Variants in CLYBL observed in about 807,000 individuals in gnomAD.
CLYBL encodes the protein citramalyl-CoA lyase, also known as citramalyl-CoA lyase, mitochondrial.
A neutral mutation model predicts 38.9 loss-of-function variants in CLYBL; 31 were observed. The observed-to-expected ratio is 0.80, with a 90% CI of 0.60 to 1.08. The LOEUF (loss-of-function observed/expected upper bound fraction) is 1.08, where lower values mean the gene tolerates loss of function less well. CLYBL is among the 50% of genes least tolerant of loss of function. CLYBL has a pLI of 0.00. For missense variants in CLYBL, 434 were observed against 411.6 expected, an observed-to-expected ratio of 1.05 and a Z score of -0.47; for synonymous variants, 171 against 158.6, an observed-to-expected ratio of 1.08 and a Z score of -0.59.
intron 1 of CLYBL, among the ~76,000 whole-genome samples, chr13:99,723,579 G>A (rs764013604): frequency 3.9e-5 from 6 of 152,190 alleles, no homozygotes; most frequent in Non-Finnish European, 7.3e-5. Context: ...AGGAAAATCC[G>A]TAGTTTCTCT....
At chr13:99,727,960 C>G (rs1423431002) in intron 1 of CLYBL, among the ~76,000 whole-genome samples, 1 of 152,080 alleles carries the variant, frequency 6.6e-6, no homozygotes, top group East Asian at 1.9e-4. Flanking sequence ...CTTCTGTAAT[C>G]CCAGCTGCTC....
chr13:99,827,292 G>A (rs942476061), intron 2 of CLYBL, among the ~76,000 whole-genome samples: 1 of 152,170 alleles, frequency 6.6e-6, no homozygotes, highest in African/African-American at 2.4e-5. Context: ...CTAGTGCCCT[G>A]CCCTTCTGTC....
At chr13:99,818,484 C>T (rs1417915235) in intron 2 of CLYBL, among the ~76,000 whole-genome samples, 6 of 148,836 alleles carry the variant, frequency 4.0e-5, no homozygotes, top group African/African-American at 7.5e-5. Context: ...CACACACACA[C>T]GGACACACAC....
chr13:99,891,392 C>G lies in CLYBL; in HGVS notation c.1002C>G (p.Ala334=). 1 of 1,613,296 alleles carries G rather than the reference C, an allele frequency of 6.2e-7. No homozygotes were observed. Among genetic ancestry groups the G allele is most frequent in the Non-Finnish European group, 8.5e-7 (1 of 1,179,284 alleles). The change falls in exon 8 of 9, where the codon GCC becomes GCG. Residue 334 remains alanine, a synonymous_variant. Coordinates refer to ENST00000339105, the MANE Select transcript of CLYBL (RefSeq NM_206808.5). The part of the protein sequence containing the change: ...LKQAQNTVTL[A]TSIKEK ...AGGCCCAGAACACTGTTACGCTTGCCACCTCCATCAAGGAAAAATGATCTG... is the reference window on the plus strand; with the variant it reads ...AGGCCCAGAACACTGTTACGCTTGCGACCTCCATCAAGGAAAAATGATCTG...
intron 1 of CLYBL, among the ~76,000 whole-genome samples, chr13:99,679,737 G>A (rs1234564451): frequency 6.6e-6 from 1 of 151,984 alleles, no homozygotes; most frequent in South Asian, 2.1e-4. Flanking sequence ...GGAGAGGGTG[G>A]GGGGGGAAAT....
At chr13:99,698,959 TG>T (rs1169669963) in intron 1 of CLYBL, among the ~76,000 whole-genome samples, 1 of 152,252 alleles carries the variant, frequency 6.6e-6, no homozygotes, top group Non-Finnish European at 1.5e-5. Flanking sequence ...TTCAGATTAC[TG>T]ATTAAATGTT....
intron 5 of CLYBL, 73 bp downstream of exon 5, chr13:99,864,984 CCCT>C: frequency 9.1e-7 from 1 of 1,104,108 alleles, no homozygotes; most frequent in Non-Finnish European, 1.4e-6. Context: ...TTTTCTTTGC[CCCT>C]CAAGGATGGA....
chr13:99,816,440 G>C (rs1475979055), intron 2 of CLYBL, among the ~76,000 whole-genome samples: 1 of 152,250 alleles, frequency 6.6e-6, no homozygotes, highest in African/African-American at 2.4e-5. Context: ...CTGAAAACAA[G>C]CAAGTGTCTT....
chr13:99,813,890 A>G (rs1433555818), intron 2 of CLYBL, among the ~76,000 whole-genome samples: 1 of 152,308 alleles, frequency 6.6e-6, no homozygotes, highest in East Asian at 1.9e-4. Context: ...GGAAAAGTCC[A>G]TAGGCCATCC....
intron 1 of CLYBL, among the ~76,000 whole-genome samples, chr13:99,710,055 G>C (rs2048206472): frequency 6.6e-6 from 1 of 151,608 alleles, no homozygotes; most frequent in Non-Finnish European, 1.5e-5. Flanking sequence ...TCTCCGAGTA[G>C]CTGGGGCTAC....
In CLYBL at chr13:99,622,372, G is replaced by A. The variant is rs139709059; in HGVS notation, c.62+15615G>A. Among the ~76,000 whole-genome samples the A allele has an allele frequency of 3.3e-5, 5 of 152,274 alleles. No individual in the cohort carries two copies. In the East Asian group the frequency reaches 9.6e-4, roughly 29 times the overall value. On this transcript the variant is annotated intron_variant, in intron 1 of 8. Coordinates refer to ENST00000339105, the MANE Select transcript of CLYBL (RefSeq NM_206808.5). ...GAACTCTTGGAATGACCATCTAATGGGCTGAGTTCCCTCATTGCCTCTCAT... is the reference window on the plus strand; with the variant it reads ...GAACTCTTGGAATGACCATCTAATGAGCTGAGTTCCCTCATTGCCTCTCAT...
downstream of CLYBL, among the ~76,000 whole-genome samples, chr13:99,900,366 CGTT>C (rs1299110376): frequency 6.6e-6 from 1 of 151,940 alleles, no homozygotes; most frequent in Non-Finnish European, 1.5e-5. Flanking sequence ...TTGTTGTTGT[CGTT>C]GTTATTAACA....
At chr13:99,832,832 G>A (rs1358801542) in intron 2 of CLYBL, among the ~76,000 whole-genome samples, 2 of 146,986 alleles carry the variant, frequency 1.4e-5, no homozygotes. Flanking sequence ...TATCAAATCT[G>A]TTAAAGGGAA....
intron 1 of CLYBL, among the ~76,000 whole-genome samples, chr13:99,705,355 C>T (rs918920769): frequency 1.3e-5 from 2 of 151,982 alleles, no homozygotes; most frequent in African/African-American, 2.4e-5. Context: ...CTACGGTGGG[C>T]GGATCACCTG....
At chr13:99,672,706 G>A (rs1200483395) in intron 1 of CLYBL, among the ~76,000 whole-genome samples, 1 of 152,004 alleles carries the variant, frequency 6.6e-6, no homozygotes, top group East Asian at 1.9e-4. Context: ...GGAGGTTGAG[G>A]CTGTAGTGAG....
At chr13:99,759,440 AG>A (rs1387771769) in intron 1 of CLYBL, among the ~76,000 whole-genome samples, 1 of 152,200 alleles carries the variant, frequency 6.6e-6, no homozygotes, top group Non-Finnish European at 1.5e-5. Flanking sequence ...CAAGAAGAAC[AG>A]GGACAGTGGG....
chr13:99,754,500 A>G (rs1018160080), intron 1 of CLYBL, among the ~76,000 whole-genome samples: 4 of 149,882 alleles, frequency 2.7e-5, no homozygotes, highest in Admixed American at 1.3e-4. Flanking sequence ...GGGTCAAGCA[A>G]TCCTCTCACC....
chr13:99,708,240 C>T (rs1345528941), intron 1 of CLYBL, among the ~76,000 whole-genome samples: 1 of 152,176 alleles, frequency 6.6e-6, no homozygotes, highest in Admixed American at 6.5e-5. Flanking sequence ...CTTGGCCTCC[C>T]AAAGTGCTAG....
chr13:99,733,969 C>T (rs1477436721), intron 1 of CLYBL, among the ~76,000 whole-genome samples: 1 of 152,174 alleles, frequency 6.6e-6, no homozygotes. Flanking sequence ...TTTGAATGTG[C>T]TCGACTTTTA....
Sources: allele counts gnomAD v4.1 joint callset (sites outside exome capture counted in the v4.1 genomes callset), GRCh38; gene constraint gnomAD v4.1.1; transcripts MANE v1.5; gene names NCBI Gene and HGNC (gene_info 2026-07-23, HGNC 2026-07-21).